The following PACSIN1 variants were observed in gnomAD, a reference collection of about 807,000 sequenced individuals.
PACSIN1 encodes protein kinase C and casein kinase substrate in neurons 1.
A neutral mutation model predicts 59.5 loss-of-function variants in PACSIN1; 15 were observed. The ratio of observed to expected loss-of-function variants is 0.25; its 90% CI spans 0.17 to 0.39. The LOEUF is 0.39. PACSIN1 is among the 10% of genes least tolerant of loss of function. The pLI, the probability that PACSIN1 is intolerant of heterozygous loss-of-function variation, is 1.00. For missense variants in PACSIN1, 420 were observed against 580.2 expected, an observed-to-expected ratio of 0.72 and a Z score of 2.84; for synonymous variants, 210 against 220.6, an observed-to-expected ratio of 0.95 and a Z score of 0.42.
At chr6:34,468,839 T>A (rs1490699808) in intron 1 of PACSIN1, among the ~76,000 whole-genome samples, 1 of 152,214 alleles carries the variant, frequency 6.6e-6, no homozygotes, top group African/African-American at 2.4e-5. Flanking sequence ...AGAGTCTGTG[T>A]GCTGTTTCCG....
intron 1 of PACSIN1, among the ~76,000 whole-genome samples, chr6:34,522,549 A>G (rs150562169): frequency 0.012 from 1,808 of 152,164 alleles, 14 homozygotes; most frequent in Non-Finnish European, 0.017. Context: ...GGATGGGTGG[A>G]TGGATGGATG....
chr6:34,480,910 TTTC>T (rs1412129857), intron 1 of PACSIN1, among the ~76,000 whole-genome samples: 146 of 152,148 alleles, frequency 9.6e-4, no homozygotes, highest in Middle Eastern at 6.8e-3. Flanking sequence ...GCAGACTTTT[TTTC>T]TTTTTTTTTT....
chr6:34,517,461 C>T (rs1767312719), intron 1 of PACSIN1, among the ~76,000 whole-genome samples: 1 of 152,184 alleles, frequency 6.6e-6, no homozygotes, highest in Non-Finnish European at 1.5e-5. Context: ...AAAGGCCTCC[C>T]TCTGACCTAC....
chr6:34,467,116 C>A (rs1461609223), intron 1 of PACSIN1, among the ~76,000 whole-genome samples: 1 of 152,198 alleles, frequency 6.6e-6, no homozygotes, highest in Non-Finnish European at 1.5e-5. Context: ...CAGCCCCTGG[C>A]ACAGCTGGGG....
rs1306008240 is a variant in PACSIN1, at chr6:34,516,926, C to A, written c.-63-9317C>A. Among the ~76,000 whole-genome samples, 1 of 152,146 alleles carries A rather than the reference C, an allele frequency of 6.6e-6. No homozygotes were observed. Among genetic ancestry groups the A allele is most frequent in the Non-Finnish European group, 1.5e-5 (1 of 68,014 alleles). The stretch of plus-strand genomic sequence containing the variant: ...TGAGAGGCCTGGAGCTCAGCAGGGG[C>A]TGGGGCCTGGGACACAGGAACAATC... On this transcript the variant is annotated intron_variant, in intron 1 of 9. Transcript: ENST00000244458. This position sits in a 1 kb window ranked among gnomAD's most constrained non-coding sequence, Gnocchi z 5.4.
intron 1 of PACSIN1, among the ~76,000 whole-genome samples, chr6:34,468,882 G>T (rs1766532986): frequency 1.4e-5 from 1 of 72,390 alleles, no homozygotes; most frequent in Non-Finnish European, 2.7e-5. Flanking sequence ...AGTAGACCCA[G>T]CTCTGGCTTG....
At chr6:34,483,068 G>A (rs3846868) in intron 1 of PACSIN1, among the ~76,000 whole-genome samples, 55,117 of 146,100 alleles carry the variant, frequency 0.38, 11,668 homozygotes, top group Middle Eastern at 0.51. Flanking sequence ...GCAGTGGCAC[G>A]ATCATGGCTC....
chr6:34,508,842 A>C (rs1025488084), intron 1 of PACSIN1, among the ~76,000 whole-genome samples: 1 of 152,144 alleles, frequency 6.6e-6, no homozygotes, highest in Non-Finnish European at 1.5e-5. Context: ...ATGTCTGTTC[A>C]AGCCCTTTGC....
rs374839515 is a variant in PACSIN1 at position 34,486,326 on chromosome 6, A to G, written c.-64+20056A>G. On this transcript the variant is annotated intron_variant, in intron 1 of 9. Transcript: ENST00000244458. ...GAGGTGTTGTAAAATATTTGTCTCC[A>G]ATGTGGTTCTCACAGCCATGGGGTG... 1.1e-3 allele frequency among the ~76,000 whole-genome samples: 172 copies of G among 152,222 alleles called. 1 individual carries two copies. The South Asian group carries it at 0.034, about 30-fold the overall frequency.
In PACSIN1 at chr6:34,529,701, G is replaced by A. The variant is rs1244831657; in HGVS notation, c.648G>A (p.Val216=). Residue 216 remains valine (V), a synonymous_variant, in exon 6 of 10, where the codon GTG becomes GTA. Coordinates refer to ENST00000244458, the MANE Select transcript of PACSIN1 (RefSeq NM_020804.5). The surrounding 1 kb of genome is among the most constrained non-coding windows in gnomAD (Gnocchi z 6.3). ...AGTATGAGAAAGTGCTGGAAGATGT[G>A]GGCAAGACCACACCCCAGTACATGG... The part of the protein sequence containing the change: ...QEKYEKVLED[V]GKTTPQYMEN... The A allele has an allele frequency of 1.2e-6, 2 of 1,614,110 alleles. No individual in the cohort carries two copies. Among genetic ancestry groups the A allele is most frequent in the African/African-American group, 1.3e-5 (1 of 75,004 alleles).
intron 1 of PACSIN1, among the ~76,000 whole-genome samples, chr6:34,471,379 A>T (rs566548522): frequency 6.6e-6 from 1 of 152,340 alleles, no homozygotes; most frequent in African/African-American, 2.4e-5. Flanking sequence ...GACAGTTTTA[A>T]AACATTAACA....
intron 1 of PACSIN1, among the ~76,000 whole-genome samples, chr6:34,489,392 T>G (rs1766839389): frequency 6.6e-6 from 1 of 152,142 alleles, no homozygotes; most frequent in African/African-American, 2.4e-5. Flanking sequence ...CTTGGTCAGC[T>G]GCATCCAAAA....
At chr6:34,498,516 G>A (rs775796547) in intron 1 of PACSIN1, among the ~76,000 whole-genome samples, 1 of 151,920 alleles carries the variant, frequency 6.6e-6, no homozygotes, top group African/African-American at 2.4e-5. Context: ...AAAGTGTCCC[G>A]GCTGGGCACA....
intron 1 of PACSIN1, among the ~76,000 whole-genome samples, chr6:34,472,721 G>A (rs571230242): frequency 6.6e-6 from 1 of 152,210 alleles, no homozygotes; most frequent in South Asian, 2.1e-4. Context: ...CCAGGCCTGT[G>A]GTGCCTGAAA....
intron 1 of PACSIN1, among the ~76,000 whole-genome samples, chr6:34,491,757 A>G (rs1581965260): frequency 6.6e-6 from 1 of 151,884 alleles, no homozygotes; most frequent in Middle Eastern, 3.4e-3. Flanking sequence ...GATTACAGGC[A>G]CCCGCCAACA....
intron 1 of PACSIN1, among the ~76,000 whole-genome samples, chr6:34,482,639 G>A (rs1766735557): frequency 6.6e-6 from 1 of 151,398 alleles, no homozygotes; most frequent in South Asian, 2.1e-4. Context: ...ATATACCTAG[G>A]AGTAGAATTG....
chr6:34,498,049 T>C (rs2127256579), intron 1 of PACSIN1, among the ~76,000 whole-genome samples: 1 of 150,542 alleles, frequency 6.6e-6, no homozygotes, highest in East Asian at 1.9e-4. Context: ...TGTTTTTTGT[T>C]TGTTTTGTTT....
intron 1 of PACSIN1, among the ~76,000 whole-genome samples, chr6:34,483,635 CTTTTTTT>C (rs10608785): frequency 6.4e-5 from 3 of 46,652 alleles, no homozygotes; most frequent in Admixed American, 3.0e-4. Context: ...CCTTCAAGGA[CTTTTTTT>C]TTTTTTTTTT....
chr6:34,468,894 G>GGAGT (rs10664263), intron 1 of PACSIN1, among the ~76,000 whole-genome samples: 144,200 of 152,066 alleles, frequency 0.95, 68,465 homozygotes, highest in East Asian at 1. Flanking sequence ...TCTGGCTTGT[G>GGAGT]GAGTGAGTGA....
Sources: allele counts gnomAD v4.1 joint callset (sites outside exome capture counted in the v4.1 genomes callset), GRCh38; gene constraint gnomAD v4.1.1; non-coding constraint Gnocchi (gnomAD v3.1); transcripts MANE v1.5; gene names NCBI Gene and HGNC (gene_info 2026-07-23, HGNC 2026-07-21).